Variants in MTCL2 observed in about 807,000 individuals in gnomAD.
The protein encoded by MTCL2 is microtubule cross-linking factor 2.
At chr20:36,805,757 C>G in the MTCL2 span, 3 of 1,114,164 alleles carry the variant, frequency 2.7e-6, no homozygotes, top group South Asian at 5.0e-5. Context: ...ACTTCAATGT[C>G]CAGGAATGGG....
the MTCL2 span, among the ~76,000 whole-genome samples, chr20:36,842,988 G>A: frequency 6.6e-6 from 1 of 152,108 alleles, no homozygotes; most frequent in African/African-American, 2.4e-5. Context: ...AAAACGGAAA[G>A]GAAGGGACTG....
the MTCL2 span, among the ~76,000 whole-genome samples, chr20:36,792,719 C>T: frequency 5.3e-5 from 8 of 152,186 alleles, no homozygotes; most frequent in Admixed American, 2.6e-4. Flanking sequence ...GACCATGTGA[C>T]CATCAGGTCT....
the MTCL2 span, among the ~76,000 whole-genome samples, chr20:36,810,717 C>CCTCTCCCTCTCTCTCTCTCT: frequency 2.1e-5 from 2 of 94,270 alleles, no homozygotes; most frequent in African/African-American, 8.1e-5. Context: ...TCTCTCTCTC[C>CCTCTCCCTCTCTCTCTCTCT]CTCTCTCTCT....
At chr20:36,856,853 T>G in the MTCL2 span, among the ~76,000 whole-genome samples, 1 of 152,052 alleles carries the variant, frequency 6.6e-6, no homozygotes, top group African/African-American at 2.4e-5. Flanking sequence ...TGTGTGTGTG[T>G]GTGTGCGTGC....
At chr20:36,859,925 C>A in the MTCL2 span, 276 of 1,230,676 alleles carry the variant, frequency 2.2e-4, no homozygotes, top group Non-Finnish European at 2.7e-4. Flanking sequence ...CGACCCTGCT[C>A]TGGGACCCAC....
At chr20:36,812,753 C>T in the MTCL2 span, 95 of 1,613,986 alleles carry the variant, frequency 5.9e-5, no homozygotes, top group Admixed American at 1.5e-4. Context: ...CCTGAAGCTC[C>T]GGCTGGGGTC....
the MTCL2 span, among the ~76,000 whole-genome samples, chr20:36,833,866 G>C: frequency 6.6e-5 from 10 of 151,438 alleles, no homozygotes; most frequent in Admixed American, 1.3e-4. Flanking sequence ...AAGAAAGAAA[G>C]AAACAAAGAA....
chr20:36,856,358 A>T, the MTCL2 span, among the ~76,000 whole-genome samples: 1 of 152,144 alleles, frequency 6.6e-6, no homozygotes, highest in Non-Finnish European at 1.5e-5. Context: ...CCTTGCCTCC[A>T]TCATTCCCCA....
the MTCL2 span, among the ~76,000 whole-genome samples, chr20:36,843,579 G>C: frequency 6.6e-6 from 1 of 152,194 alleles, no homozygotes; most frequent in Non-Finnish European, 1.5e-5. Context: ...GTTTCAGGCA[G>C]CCGGTGAAGG....
chr20:36,817,391 G>C, the MTCL2 span: 1 of 1,568,662 alleles, frequency 6.4e-7, no homozygotes, highest in Non-Finnish European at 8.6e-7. Context: ...TTCCTACGGG[G>C]GCTGCTGGGA....
the MTCL2 span, among the ~76,000 whole-genome samples, chr20:36,851,993 A>G: frequency 7.2e-5 from 11 of 152,168 alleles, no homozygotes; most frequent in Non-Finnish European, 1.5e-4. Context: ...GTGGGGCTCA[A>G]GTCCCAGCCC....
At chr20:36,805,704 T>C in the MTCL2 span, 4 of 652,504 alleles carry the variant, frequency 6.1e-6, no homozygotes, top group Admixed American at 6.5e-5. Context: ...GTCCATCATC[T>C]GGACTCTGTT....
At chr20:36,815,409 G>A in the MTCL2 span, 5 of 1,613,158 alleles carry the variant, frequency 3.1e-6, no homozygotes, top group East Asian at 2.2e-5. The surrounding 1 kb of genome is among the most constrained non-coding windows in gnomAD (Gnocchi z 5.3). Context: ...GAGGCCAGCC[G>A]TGAAGCCATT....
chr20:36,840,434 C>T, the MTCL2 span, among the ~76,000 whole-genome samples: 4 of 151,730 alleles, frequency 2.6e-5, no homozygotes, highest in African/African-American at 9.7e-5. Context: ...TCCCAAATTG[C>T]TGGGATTACA....
the MTCL2 span, chr20:36,794,704 G>A: frequency 1.7e-5 from 24 of 1,445,100 alleles, no homozygotes; most frequent in Non-Finnish European, 1.9e-5. This position sits in a 1 kb window ranked among gnomAD's most constrained non-coding sequence, Gnocchi z 5.4. Context: ...CAAAGACCAG[G>A]ACCGTCTTGT....
chr20:36,851,468 C>A, the MTCL2 span, among the ~76,000 whole-genome samples: 1 of 152,224 alleles, frequency 6.6e-6, no homozygotes, highest in African/African-American at 2.4e-5. Flanking sequence ...GGCAACACAG[C>A]AGCCACTTGG....
At chr20:36,820,173 G>T in the MTCL2 span, among the ~76,000 whole-genome samples, 2 of 152,176 alleles carry the variant, frequency 1.3e-5, no homozygotes, top group Admixed American at 1.3e-4. Flanking sequence ...TGATCCCTGG[G>T]TGAACCCTTT....
At chr20:36,832,013 A>T in the MTCL2 span, among the ~76,000 whole-genome samples, 1 of 152,224 alleles carries the variant, frequency 6.6e-6, no homozygotes, top group Non-Finnish European at 1.5e-5. Context: ...TCAAGGCCGC[A>T]GACATACTTG....
the MTCL2 span, chr20:36,784,281 G>C: frequency 2.0e-6 from 2 of 985,776 alleles, no homozygotes; most frequent in Non-Finnish European, 1.2e-6. Context: ...AGCTCCACTG[G>C]CTGCCTGCTC....
Sources: gnomAD v4.1 joint callset for allele counts (sites outside exome capture counted in the v4.1 genomes callset) on GRCh38, gnomAD v4.1.1 for gene constraint, Gnocchi (gnomAD v3.1) non-coding constraint, MANE v1.5 for transcripts, NCBI Gene and HGNC (gene_info 2026-07-23, HGNC 2026-07-21) for gene names.